STOX2: variants seen among roughly 807,000 people sequenced by gnomAD.
The protein encoded by STOX2 is storkhead box 2.
Under a neutral mutation model 60.9 loss-of-function variants are expected in STOX2, and 28 were observed. The observed-to-expected ratio is 0.46, with a 90% CI of 0.34 to 0.63. The LOEUF (loss-of-function observed/expected upper bound fraction) is 0.63, where lower values mean the gene tolerates loss of function less well. Ranked by LOEUF, STOX2 falls within the 30% of genes least tolerant of loss-of-function variation. STOX2 has a pLI of 0.01. For missense variants in STOX2, 1,024 were observed against 1,187.7 expected (o/e 0.86, Z 2.03); for synonymous variants, 472 against 463.9 (o/e 1.02, Z -0.22).
At chr4:183,871,034 C>A (rs17361576) in intron 1 of STOX2, among the ~76,000 whole-genome samples, 60,056 of 152,064 alleles carry the variant, frequency 0.39, 12,017 homozygotes, top group Middle Eastern at 0.44. Flanking sequence ...TTATTTACGA[C>A]CTTTTTATTC....
At chr4:184,004,318 G>A (rs1733726652) in intron 2 of STOX2, among the ~76,000 whole-genome samples, 1 of 152,150 alleles carries the variant, frequency 6.6e-6, no homozygotes. Context: ...AAAATTTCTG[G>A]GTCAGGCGCA....
chr4:183,998,239 G>A (rs1733430141), intron 1 of STOX2, among the ~76,000 whole-genome samples: 1 of 152,186 alleles, frequency 6.6e-6, no homozygotes, highest in African/African-American at 2.4e-5. Context: ...AATCTGCATT[G>A]ATCCTGTCCC....
intron 1 of STOX2, among the ~76,000 whole-genome samples, chr4:183,810,015 T>A (rs1218278786): frequency 2.0e-5 from 3 of 152,228 alleles, no homozygotes; most frequent in African/African-American, 4.8e-5. Context: ...TAAACTGAAT[T>A]CATAGAGCAT....
chr4:183,935,612 G>A (rs1395731909), intron 1 of STOX2, among the ~76,000 whole-genome samples: 3 of 152,212 alleles, frequency 2.0e-5, no homozygotes, highest in African/African-American at 7.2e-5. Context: ...ATCAAATGTA[G>A]CTCCCATGTA....
intron 1 of STOX2, among the ~76,000 whole-genome samples, chr4:183,826,353 T>C (rs2111115832): frequency 6.6e-6 from 1 of 152,274 alleles, no homozygotes; most frequent in South Asian, 2.1e-4. Flanking sequence ...CCTGTTCCCC[T>C]GAGAATGGCT....
At chr4:183,858,695 C>T (rs751623116) in intron 1 of STOX2, among the ~76,000 whole-genome samples, 8 of 152,196 alleles carry the variant, frequency 5.3e-5, no homozygotes, top group Non-Finnish European at 1.0e-4. Flanking sequence ...AGTTATCCCT[C>T]TAGACTTTTT....
intron 1 of STOX2, among the ~76,000 whole-genome samples, chr4:183,994,717 A>G (rs1014339080): frequency 3.3e-5 from 5 of 152,240 alleles, no homozygotes; most frequent in African/African-American, 1.2e-4. Context: ...GTACTTATCA[A>G]AATATCTCTT....
chr4:183,878,762 A>C (rs1740886043), intron 1 of STOX2, among the ~76,000 whole-genome samples: 1 of 152,242 alleles, frequency 6.6e-6, no homozygotes, highest in South Asian at 2.1e-4. Context: ...CAGAAACTGC[A>C]GGCTATTTTA....
chr4:183,985,483 T>TC (rs1732803819), intron 1 of STOX2, among the ~76,000 whole-genome samples: 1 of 152,178 alleles, frequency 6.6e-6, no homozygotes, highest in Admixed American at 6.5e-5. Flanking sequence ...GGAAGAGAGT[T>TC]CCCCTCTTTA....
At chr4:183,837,872 C>G (rs1416457411) in intron 1 of STOX2, among the ~76,000 whole-genome samples, 1 of 152,160 alleles carries the variant, frequency 6.6e-6, no homozygotes, top group Non-Finnish European at 1.5e-5. Flanking sequence ...GTGGATGGAG[C>G]CTTGAGTTGT....
intron 1 of STOX2, among the ~76,000 whole-genome samples, chr4:183,958,414 G>T (rs1438174979): frequency 6.6e-6 from 1 of 151,952 alleles, no homozygotes; most frequent in African/African-American, 2.4e-5. Context: ...AGTAATTTTA[G>T]AATTACTATA....
chr4:183,806,350 A>G lies in STOX2; in HGVS notation c.364+8295A>G, dbSNP rs1738889524. 6.6e-6 allele frequency among the ~76,000 whole-genome samples: 1 copy of G among 152,172 alleles called. No homozygotes were observed. Among genetic ancestry groups the G allele is most frequent in the Admixed American group, 6.5e-5 (1 of 15,280 alleles). On this transcript the variant is annotated intron_variant, in intron 1 of 2. Coordinates refer to the STOX2 transcript ENST00000513034. The surrounding 1 kb of genome is among the most constrained non-coding windows in gnomAD (Gnocchi z 4.1). ...ATGTCCCTTAGTCTAGCTCTCTGGCATGGAAGCTGGGGATGCATAGTGAGT... is the reference window on the plus strand; with the variant it reads ...ATGTCCCTTAGTCTAGCTCTCTGGCGTGGAAGCTGGGGATGCATAGTGAGT...
chr4:183,886,402 G>T (rs568137009), intron 1 of STOX2, among the ~76,000 whole-genome samples: 1 of 152,360 alleles, frequency 6.6e-6, no homozygotes, highest in South Asian at 2.1e-4. Flanking sequence ...CCTAAGAGAT[G>T]ATTTGACAAT....
At chr4:183,985,283 G>A (rs1477308839) in intron 1 of STOX2, among the ~76,000 whole-genome samples, 2 of 152,096 alleles carry the variant, frequency 1.3e-5, no homozygotes, top group South Asian at 2.1e-4. Flanking sequence ...GAGGTAACAC[G>A]TGTTGTTGAA....
intron 1 of STOX2, among the ~76,000 whole-genome samples, chr4:183,985,219 A>G (rs1442304403): frequency 2.0e-5 from 3 of 152,102 alleles, no homozygotes; most frequent in African/African-American, 7.2e-5. Context: ...AAAAATTGAC[A>G]TATAGGTTTT....
chr4:183,906,787 C>A lies in STOX2; in HGVS notation c.-4C>A. The A allele has an allele frequency of 6.5e-7, 1 of 1,527,044 alleles. No individual in the cohort carries two copies. Among genetic ancestry groups the A allele is most frequent in the Non-Finnish European group, 8.8e-7 (1 of 1,132,586 alleles). 94.6% of individuals were successfully genotyped at this position (1,527,044 alleles called of 1,614,324 possible). A position where few individuals can be genotyped will look rare whatever the true frequency, so the allele number is the denominator to read the frequency against. On this transcript the variant is annotated 5_prime_UTR_variant, in exon 1 of 4. Coordinates refer to ENST00000308497, the MANE Select transcript of STOX2 (RefSeq NM_020225.3). ...GATCGGGGCGGCAGGTCGCCCTCCC[C>A]ACCATGAAGAAGACCCGGAGCACAA...
chr4:183,972,681 T>G (rs960364873), intron 1 of STOX2, among the ~76,000 whole-genome samples: 1 of 152,142 alleles, frequency 6.6e-6, no homozygotes, highest in African/African-American at 2.4e-5. Context: ...TAAAAAAAAA[T>G]TCAACATTGT....
chr4:183,854,453 T>C (rs1740238997), intron 1 of STOX2, among the ~76,000 whole-genome samples: 1 of 152,244 alleles, frequency 6.6e-6, no homozygotes. Flanking sequence ...TCAGGGCTTA[T>C]ATTTGCTCAG....
chr4:183,869,663 C>T (rs1740644447), intron 1 of STOX2, among the ~76,000 whole-genome samples: 1 of 152,168 alleles, frequency 6.6e-6, no homozygotes, highest in South Asian at 2.1e-4. Flanking sequence ...ATTTTGGCTT[C>T]ACTAATTCTA....
Sources: allele counts gnomAD v4.1 joint callset (sites outside exome capture counted in the v4.1 genomes callset), GRCh38; gene constraint gnomAD v4.1.1; non-coding constraint Gnocchi (gnomAD v3.1); transcripts MANE v1.5; gene names NCBI Gene and HGNC (gene_info 2026-07-23, HGNC 2026-07-21).